Variants in RAD51B observed in about 807,000 individuals in gnomAD.
RAD51B encodes the protein RAD51 paralog B.
In RAD51B, 38 loss-of-function variants were observed where a neutral mutation model predicts 42.2. The ratio of observed to expected loss-of-function variants is 0.90; its 90% CI spans 0.70 to 1.18. The LOEUF (loss-of-function observed/expected upper bound fraction) is 1.18, where lower values mean the gene tolerates loss of function less well. RAD51B is among the 50% of genes most tolerant of loss of function. RAD51B has a pLI of 0.00. For missense variants in RAD51B, 373 were observed against 400.7 expected, an observed-to-expected ratio of 0.93 and a Z score of 0.59; for synonymous variants, 154 against 145.2, an observed-to-expected ratio of 1.06 and a Z score of -0.43.
chr14:68,017,904 G>A (rs1297730815), intron 7 of RAD51B, among the ~76,000 whole-genome samples: 1 of 152,096 alleles, frequency 6.6e-6, no homozygotes, highest in Admixed American at 6.6e-5. Flanking sequence ...CCGGGAGGCG[G>A]AGATTGCAGT....
chr14:68,231,244 C>G (rs918491728), intron 7 of RAD51B, among the ~76,000 whole-genome samples: 2 of 152,156 alleles, frequency 1.3e-5, no homozygotes, highest in Non-Finnish European at 2.9e-5. Context: ...GGATGACCAG[C>G]TGGTTGCCAC....
intron 4 of RAD51B, among the ~76,000 whole-genome samples, chr14:67,841,324 G>T (rs2140309240): frequency 6.6e-6 from 1 of 152,278 alleles, no homozygotes; most frequent in South Asian, 2.1e-4. Context: ...CTGGATATTA[G>T]ACCTTTGTCA....
At chr14:68,004,963 T>C (rs1390696045) in intron 7 of RAD51B, among the ~76,000 whole-genome samples, 1 of 151,980 alleles carries the variant, frequency 6.6e-6, no homozygotes, top group Non-Finnish European at 1.5e-5. Context: ...TGCTGTGCAG[T>C]ATACTATTTT....
intron 7 of RAD51B, among the ~76,000 whole-genome samples, chr14:68,034,549 G>T (rs114182025): frequency 6.6e-6 from 1 of 152,156 alleles, no homozygotes; most frequent in Non-Finnish European, 1.5e-5. Flanking sequence ...TATTGCAAAT[G>T]TGAGCCATTG....
chr14:68,523,142 C>A (rs966580979), intron 10 of RAD51B, among the ~76,000 whole-genome samples: 3 of 152,198 alleles, frequency 2.0e-5, no homozygotes, highest in African/African-American at 4.8e-5. Flanking sequence ...TTCTTGGTCC[C>A]TGAAGTTCTT....
At position 68,257,228 on chromosome 14, in the gene RAD51B, A is replaced by T. The variant is rs1277272970; in HGVS notation, c.757-34656A>T. ...ATGAATGGGGAGCTGTTTTTTAGTG[A>T]GTACAGAATTTATTGGGAATAAGAA... On this transcript the variant is annotated intron_variant, in intron 7 of 10. Transcript: ENST00000471583. Among the ~76,000 whole-genome samples, 3 of 152,176 alleles carry T rather than the reference A, an allele frequency of 2.0e-5. No homozygotes were observed. In the East Asian group the frequency reaches 5.8e-4, roughly 29 times the overall value.
At chr14:68,520,671 C>A (rs1886513987) in intron 10 of RAD51B, among the ~76,000 whole-genome samples, 1 of 152,204 alleles carries the variant, frequency 6.6e-6, no homozygotes, top group African/African-American at 2.4e-5. Flanking sequence ...TAGGACCCAT[C>A]TTCACTTTAA....
At chr14:68,159,574 C>G (rs543118662) in intron 7 of RAD51B, among the ~76,000 whole-genome samples, 1 of 150,054 alleles carries the variant, frequency 6.7e-6, no homozygotes, top group African/African-American at 2.5e-5. Context: ...GAGCTGAGAT[C>G]GCACCACTGT....
At chr14:68,120,928 G>T (rs1036722716) in intron 7 of RAD51B, among the ~76,000 whole-genome samples, 2 of 152,040 alleles carry the variant, frequency 1.3e-5, no homozygotes, top group African/African-American at 4.8e-5. Context: ...GCTGAACCAT[G>T]CTTAAAAAGA....
chr14:67,832,282 T>C (rs900561516), intron 3 of RAD51B, among the ~76,000 whole-genome samples: 2 of 152,144 alleles, frequency 1.3e-5, no homozygotes, highest in African/African-American at 4.8e-5. Flanking sequence ...AGCCAATAAT[T>C]TTTAATAACA....
chr14:68,562,154 G>A (rs1434269597), intron 10 of RAD51B: 2 of 985,254 alleles, frequency 2.0e-6, no homozygotes, highest in African/African-American at 3.5e-5. Context: ...TGCCAGTTCT[G>A]AAGAGGCAAC....
rs201429276 is a variant in RAD51B at position 68,411,533 on chromosome 14, T to A, written c.957+6T>A. On this transcript the variant is annotated splice_donor_region_variant and intron_variant, in intron 9 of 10. Transcript: ENST00000471583. ...TTGATTCAGAGAGAAGACAGGTGGG[T>A]GCTTTGACAGTATTCTCTGACTATG... 1.5e-5 allele frequency: 24 copies of A among 1,611,326 alleles called. No individual in the cohort carries two copies. Among genetic ancestry groups the A allele is most frequent in the Non-Finnish European group, 2.0e-5 (23 of 1,177,570 alleles).
chr14:68,354,216 G>GTTTTTTTTTTTTTTTTTT, intron 8 of RAD51B, among the ~76,000 whole-genome samples: 1 of 110,484 alleles, frequency 9.1e-6, no homozygotes. Context: ...TGGTTTTTTG[G>GTTTTTTTTTTTTTTTTTT]TTTTTTTTTT....
At chr14:68,607,765 C>T (rs61478020) in intron 10 of RAD51B, among the ~76,000 whole-genome samples, 2 of 152,304 alleles carry the variant, frequency 1.3e-5, no homozygotes, top group African/African-American at 4.8e-5. Context: ...CGGGGAGGCG[C>T]ACTCTAAGGA....
intron 10 of RAD51B, among the ~76,000 whole-genome samples, chr14:68,594,173 A>G (rs963735475): frequency 1.4e-5 from 2 of 139,674 alleles, no homozygotes; most frequent in African/African-American, 5.5e-5. Context: ...AGGACTTTTC[A>G]TATGCATTTG....
At position 67,928,620 on chromosome 14, in the gene RAD51B, T is replaced by C. The variant is rs533562532; in HGVS notation, c.756+41416T>C. ...ATCTGGAGGCGGCCATGACACTTGG[T>C]ACTTGTGGTGACAAGGAGAAGAGGG... is the stretch of plus-strand genomic sequence containing the variant. On this transcript the variant is annotated intron_variant, in intron 7 of 10. Coordinates refer to ENST00000471583, the MANE Select transcript of RAD51B (RefSeq NM_133510.4). 8.5e-5 allele frequency among the ~76,000 whole-genome samples: 13 copies of C among 152,214 alleles called. No individual in the cohort carries two copies. In the East Asian group the frequency reaches 1.7e-3, roughly 20 times the overall value.
chr14:68,652,351 C>T (rs778889417), intron 11 of RAD51B, among the ~76,000 whole-genome samples: 4 of 152,182 alleles, frequency 2.6e-5, no homozygotes, highest in Non-Finnish European at 5.9e-5. Flanking sequence ...CTACTCTCTG[C>T]CTCCCAGTCT....
chr14:68,339,438 AG>A, intron 8 of RAD51B: 1 of 628,836 alleles, frequency 1.6e-6, no homozygotes. Flanking sequence ...TTTCTCAAAC[AG>A]GGGATTCACC....
intron 7 of RAD51B, among the ~76,000 whole-genome samples, chr14:68,058,927 G>T (rs1482208898): frequency 1.3e-5 from 2 of 152,148 alleles, no homozygotes; most frequent in Non-Finnish European, 2.9e-5. Flanking sequence ...TCAAGGGCCA[G>T]CATTTGATGT....
Sources: gnomAD v4.1 joint callset for allele counts (sites outside exome capture counted in the v4.1 genomes callset) on GRCh38, gnomAD v4.1.1 for gene constraint, MANE v1.5 for transcripts, NCBI Gene and HGNC (gene_info 2026-07-23, HGNC 2026-07-21) for gene names.